Variants in ASTN2 observed in about 807,000 individuals in gnomAD.
ASTN2 encodes astrotactin 2.
ASTN2 carries 54 observed loss-of-function variants against 139.8 expected under a neutral mutation model. That is an observed-to-expected ratio of 0.39 (90% CI 0.31 to 0.48). The LOEUF (loss-of-function observed/expected upper bound fraction) is 0.48, where lower values mean the gene tolerates loss of function less well. Ranked by LOEUF, ASTN2 falls within the 20% of genes least tolerant of loss-of-function variation. The pLI is 0.95. For missense variants in ASTN2, 1,565 were observed against 1,725.1 expected (o/e 0.91, Z 1.64); for synonymous variants, 756 against 719.5 (o/e 1.05, Z -0.81).
intron 1 of ASTN2, among the ~76,000 whole-genome samples, chr9:117,369,954 T>C (rs527737684): frequency 6.6e-6 from 1 of 151,674 alleles, no homozygotes; most frequent in Admixed American, 6.6e-5. Flanking sequence ...TTTATTACAT[T>C]AAAAAAAAAT....
chr9:117,210,744 A>G (rs1832093782), intron 3 of ASTN2, among the ~76,000 whole-genome samples: 1 of 151,874 alleles, frequency 6.6e-6, no homozygotes, highest in Non-Finnish European at 1.5e-5. Flanking sequence ...CCAAACAAGG[A>G]CACACACACA....
intron 16 of ASTN2, among the ~76,000 whole-genome samples, chr9:116,724,036 A>C (rs1205770195): frequency 6.6e-6 from 1 of 152,204 alleles, no homozygotes; most frequent in Non-Finnish European, 1.5e-5. Context: ...TGGAATGAGA[A>C]AGTCAAGTCT....
At chr9:117,016,295 G>A (rs1303975242) in intron 6 of ASTN2, among the ~76,000 whole-genome samples, 3 of 151,934 alleles carry the variant, frequency 2.0e-5, no homozygotes, top group Non-Finnish European at 4.4e-5. Flanking sequence ...CATGAGGGAG[G>A]TGGGAGTGAG....
intron 3 of ASTN2, among the ~76,000 whole-genome samples, chr9:117,181,572 A>G (rs769774012): frequency 6.6e-5 from 10 of 152,146 alleles, no homozygotes; most frequent in Non-Finnish European, 1.2e-4. Context: ...GCTAGACAAC[A>G]GGATAGCACA....
chr9:116,717,320 T>C (rs1828339771), intron 16 of ASTN2, among the ~76,000 whole-genome samples: 1 of 152,212 alleles, frequency 6.6e-6, no homozygotes, highest in African/African-American at 2.4e-5. Flanking sequence ...TAATTTCATC[T>C]TGTGGAAACG....
At chr9:116,596,706 A>G (rs1376440629) in intron 19 of ASTN2, among the ~76,000 whole-genome samples, 1 of 152,206 alleles carries the variant, frequency 6.6e-6, no homozygotes, top group African/African-American at 2.4e-5. Flanking sequence ...GCTGAATGAC[A>G]TAAGGGTAGT....
intron 17 of ASTN2, among the ~76,000 whole-genome samples, chr9:116,626,336 C>G (rs1442588211): frequency 3.3e-5 from 5 of 151,008 alleles, no homozygotes; most frequent in Non-Finnish European, 7.4e-5. Context: ...TCTCTGTGTC[C>G]CTACCTTCAA....
intron 7 of ASTN2, among the ~76,000 whole-genome samples, chr9:116,988,862 G>T (rs981829908): frequency 4.6e-5 from 7 of 152,054 alleles, no homozygotes; most frequent in African/African-American, 1.7e-4. Flanking sequence ...CCTGCAAATT[G>T]CTGGGTGGCC....
At chr9:117,191,227 C>CAA (rs35328157) in intron 3 of ASTN2, among the ~76,000 whole-genome samples, 6,329 of 62,304 alleles carry the variant, frequency 0.1, 205 homozygotes, top group Non-Finnish European at 0.15. Context: ...TACAAAATAG[C>CAA]AAAAAAAAAA....
intron 17 of ASTN2, among the ~76,000 whole-genome samples, chr9:116,622,389 A>G (rs1025020934): frequency 6.6e-6 from 1 of 152,218 alleles, no homozygotes; most frequent in African/African-American, 2.4e-5. Context: ...TCATGACCCA[A>G]AGAAATAAAA....
intron 10 of ASTN2, among the ~76,000 whole-genome samples, chr9:116,929,834 T>C (rs1047851995): frequency 1.1e-4 from 17 of 152,226 alleles, no homozygotes; most frequent in Non-Finnish European, 1.9e-4. Flanking sequence ...CTTTCCATGC[T>C]AAATGGAGGC....
At chr9:117,297,432 T>C (rs1477666848) in intron 1 of ASTN2, among the ~76,000 whole-genome samples, 1 of 152,204 alleles carries the variant, frequency 6.6e-6, no homozygotes, top group Non-Finnish European at 1.5e-5. Flanking sequence ...CCCTTTTTCA[T>C]CTCTAAAATG....
At chr9:116,682,230 C>A (rs1292366537) in intron 16 of ASTN2, among the ~76,000 whole-genome samples, 2 of 152,182 alleles carry the variant, frequency 1.3e-5, no homozygotes, top group Non-Finnish European at 2.9e-5. Context: ...TGAGCAGACA[C>A]TTCTCAAAAG....
intron 15 of ASTN2, among the ~76,000 whole-genome samples, chr9:116,728,232 C>T (rs558000137): frequency 3.9e-5 from 6 of 152,128 alleles, no homozygotes; most frequent in Non-Finnish European, 8.8e-5. Flanking sequence ...AAGCCCCGCC[C>T]ACAGTTCTCA....
intron 16 of ASTN2, among the ~76,000 whole-genome samples, chr9:116,680,134 C>G (rs1170605867): frequency 6.6e-6 from 1 of 151,496 alleles, no homozygotes; most frequent in Non-Finnish European, 1.5e-5. Context: ...TAGCAAGACT[C>G]ATAAAGAAGA....
intron 2 of ASTN2, among the ~76,000 whole-genome samples, chr9:117,271,820 C>A (rs1264385533): frequency 6.6e-6 from 1 of 152,228 alleles, no homozygotes; most frequent in Non-Finnish European, 1.5e-5. Context: ...AGGTTCCCAA[C>A]GTCTTGGGCA....
chr9:116,992,531 C>G (rs1487880420), intron 7 of ASTN2, among the ~76,000 whole-genome samples: 1 of 152,154 alleles, frequency 6.6e-6, no homozygotes, highest in Non-Finnish European at 1.5e-5. Flanking sequence ...GCCTGAGGTG[C>G]CTCATTCAGT....
At chr9:117,360,278 G>A (rs759825172) in intron 1 of ASTN2, among the ~76,000 whole-genome samples, 1 of 152,114 alleles carries the variant, frequency 6.6e-6, no homozygotes, top group Non-Finnish European at 1.5e-5. Context: ...TGGTTTAGTG[G>A]GTAATACAGG....
At chr9:117,223,858 T>C (rs57065589) in intron 2 of ASTN2, among the ~76,000 whole-genome samples, 14,658 of 152,222 alleles carry the variant, frequency 0.096, 1,330 homozygotes, top group African/African-American at 0.24. Flanking sequence ...AGTCCCATTA[T>C]ATAAAAAGAA....
Sources: gnomAD v4.1 joint callset for allele counts (sites outside exome capture counted in the v4.1 genomes callset) on GRCh38, gnomAD v4.1.1 for gene constraint, MANE v1.5 for transcripts, NCBI Gene and HGNC (gene_info 2026-07-23, HGNC 2026-07-21) for gene names.